The following FER variants were observed in gnomAD, a reference collection of about 807,000 sequenced individuals.
FER encodes tyrosine-protein kinase Fer.
FER carries 63 observed loss-of-function variants against 111.0 expected under a neutral mutation model. The ratio of observed to expected loss-of-function variants is 0.57; its 90% CI spans 0.46 to 0.70. The LOEUF (loss-of-function observed/expected upper bound fraction) is 0.70, where lower values mean the gene tolerates loss of function less well. FER is among the 30% of genes least tolerant of loss of function. FER has a pLI of 0.00. For missense variants in FER, 914 were observed against 954.0 expected, an observed-to-expected ratio of 0.96 and a Z score of 0.55; for synonymous variants, 327 against 313.9, an observed-to-expected ratio of 1.04 and a Z score of -0.44.
At chr5:109,070,232 G>C (rs1775614514) in intron 16 of FER, among the ~76,000 whole-genome samples, 1 of 151,858 alleles carries the variant, frequency 6.6e-6, no homozygotes, top group South Asian at 2.1e-4. Context: ...GAGAGAAAAG[G>C]AGATAAAAAC....
chr5:109,110,802 A>T (rs1749519505), intron 17 of FER, among the ~76,000 whole-genome samples: 1 of 152,094 alleles, frequency 6.6e-6, no homozygotes, highest in Non-Finnish European at 1.5e-5. Context: ...TGTAATTCTA[A>T]CAATTTTAAC....
intron 17 of FER, among the ~76,000 whole-genome samples, chr5:109,132,296 G>A (rs1172358897): frequency 3.9e-5 from 6 of 152,144 alleles, no homozygotes; most frequent in African/African-American, 1.4e-4. Flanking sequence ...GGAAATTCCT[G>A]AAAAGGGGCA....
chr5:108,869,281 A>C (rs566071733), intron 6 of FER, among the ~76,000 whole-genome samples: 1 of 152,126 alleles, frequency 6.6e-6, no homozygotes, highest in Non-Finnish European at 1.5e-5. Context: ...ATGACAGACA[A>C]GTGAGAATGG....
At position 109,172,298 on chromosome 5, in the gene FER, G is replaced by A. The variant is rs187682371; in HGVS notation, c.2049-8449G>A. ...GCACATATACACCATGGAATACTAT[G>A]CAGCCATAAAAATCGATGAGTTCAT... On this transcript the variant is annotated intron_variant, in intron 17 of 19. Coordinates refer to ENST00000281092, the MANE Select transcript of FER (RefSeq NM_005246.4). Among the ~76,000 whole-genome samples, 1,149 of 151,942 alleles carry A rather than the reference G, an allele frequency of 7.6e-3. 9 individuals carry two copies. The highest frequency in any genetic ancestry group is 0.027 in the African/African-American group (1,115 of 41,408).
chr5:108,968,133 A>G (rs968712251), intron 13 of FER, among the ~76,000 whole-genome samples: 1 of 152,256 alleles, frequency 6.6e-6, no homozygotes, highest in Non-Finnish European at 1.5e-5. Flanking sequence ...TCAGGCCTGT[A>G]ATCCCAGCAC....
intron 16 of FER, among the ~76,000 whole-genome samples, chr5:109,073,934 G>T (rs1776041235): frequency 6.6e-6 from 1 of 152,028 alleles, no homozygotes; most frequent in South Asian, 2.1e-4. Context: ...CTTGGATAAA[G>T]CTTTAAATAT....
At position 109,076,792 on chromosome 5, in the gene FER, C is replaced by T. The variant is rs915415096; in HGVS notation, c.1925-23604C>T. ...GTTAGGTTCCCTGTAATAGCAATAA[C>T]AACATATAGTAACAACAGCAACAGT... On this transcript the variant is annotated intron_variant, in intron 16 of 19. Coordinates refer to ENST00000281092, the MANE Select transcript of FER (RefSeq NM_005246.4). 2.0e-5 allele frequency among the ~76,000 whole-genome samples: 3 copies of T among 152,144 alleles called. No individual in the cohort carries two copies. In the East Asian group the frequency reaches 5.8e-4, roughly 29 times the overall value.
At chr5:109,181,886 CA>C (rs1448297888) in intron 18 of FER, among the ~76,000 whole-genome samples, 3 of 152,158 alleles carry the variant, frequency 2.0e-5, no homozygotes, top group African/African-American at 7.2e-5. Flanking sequence ...ACCCTGTCAC[CA>C]ATAAGCATCC....
At chr5:108,864,337 G>A (rs1022327148) in intron 5 of FER, among the ~76,000 whole-genome samples, 14 of 152,160 alleles carry the variant, frequency 9.2e-5, no homozygotes, top group African/African-American at 3.1e-4. Flanking sequence ...GGGATGATGA[G>A]AAAGCAAGGG....
intron 10 of FER, among the ~76,000 whole-genome samples, chr5:108,938,179 G>C (rs1755781697): frequency 6.6e-6 from 1 of 151,712 alleles, no homozygotes; most frequent in Non-Finnish European, 1.5e-5. Context: ...AGGAGGTCAG[G>C]AAGCAATGAG....
chr5:108,839,545 C>T (rs1365017375), intron 5 of FER, among the ~76,000 whole-genome samples: 1 of 145,062 alleles, frequency 6.9e-6, no homozygotes, highest in African/African-American at 2.6e-5. Context: ...CAGAGAAATT[C>T]TTCCTACCCC....
chr5:108,798,052 C>A, intron 2 of FER, 72 bp from the exon 3 acceptor site: 1 of 557,132 alleles, frequency 1.8e-6, no homozygotes, highest in South Asian at 2.9e-5. Context: ...AAGAATCTAT[C>A]ATAACTTTTT....
chr5:108,793,521 G>GT (rs1554065864), intron 2 of FER, among the ~76,000 whole-genome samples: 1 of 135,504 alleles, frequency 7.4e-6, no homozygotes, highest in Non-Finnish European at 1.6e-5. Context: ...TGGCGGGGCG[G>GT]GGGGGGTGGT....
chr5:108,872,761 A>C (rs969901991), intron 8 of FER, among the ~76,000 whole-genome samples: 12 of 152,212 alleles, frequency 7.9e-5, no homozygotes, highest in Non-Finnish European at 5.9e-5. Flanking sequence ...TCAAACATTA[A>C]AAGCAATTAG....
chr5:108,799,030 T>A (rs1000833426), intron 3 of FER, among the ~76,000 whole-genome samples: 1 of 152,182 alleles, frequency 6.6e-6, no homozygotes, highest in African/African-American at 2.4e-5. Context: ...TATAAACCAC[T>A]CCCTGAATTC....
In FER at chr5:109,188,227, TCACGCCTGTAATCC is replaced by T. The variant is rs1759090413; in HGVS notation, c.*655_*668del. 3 of 145,246 alleles carry T rather than the reference TCACGCCTGTAATCC, an allele frequency of 2.1e-5. No homozygotes were observed. In the South Asian group the frequency reaches 6.7e-4, roughly 32 times the overall value. The allele number at this position is 145,246 out of a possible 1,614,324, so 9.0% of individuals were successfully genotyped here. On this transcript the variant is annotated 3_prime_UTR_variant, in exon 20 of 20. Transcript: ENST00000281092. Reference sequence around the variant, plus strand: ...ATGCACGTAGGTCGGGCACGGTGGCTCACGCCTGTAATCCCAGGCATGTAATCTCATGCCTGGGA... The same window carrying T: ...ATGCACGTAGGTCGGGCACGGTGGCTCAGGCATGTAATCTCATGCCTGGGA...
chr5:109,013,133 G>A (rs1374010452), intron 13 of FER, among the ~76,000 whole-genome samples: 1 of 150,506 alleles, frequency 6.6e-6, no homozygotes. Flanking sequence ...CAATGTACAG[G>A]TTAGTTACAT....
At chr5:108,784,748 G>C (rs193020019) in intron 2 of FER, among the ~76,000 whole-genome samples, 1 of 152,216 alleles carries the variant, frequency 6.6e-6, no homozygotes, top group Non-Finnish European at 1.5e-5. Flanking sequence ...GAAACAAAGG[G>C]ATGGGCTCTG....
chr5:108,969,854 A>C lies in FER; in HGVS notation c.1656+10507A>C, dbSNP rs182912864. Reference sequence around the variant, plus strand: ...GTATAGATATCCAAATACATGGAAAAAGTTGGAAGGCTATATTCCAGGATA... The same window carrying C: ...GTATAGATATCCAAATACATGGAAACAGTTGGAAGGCTATATTCCAGGATA... On this transcript the variant is annotated intron_variant, in intron 13 of 19. Coordinates refer to ENST00000281092, the MANE Select transcript of FER (RefSeq NM_005246.4). 2.0e-5 allele frequency among the ~76,000 whole-genome samples: 3 copies of C among 148,204 alleles called. No homozygotes were observed. In the East Asian group the frequency reaches 5.8e-4, roughly 29 times the overall value.
Sources: gnomAD v4.1 joint callset for allele counts (sites outside exome capture counted in the v4.1 genomes callset) on GRCh38, gnomAD v4.1.1 for gene constraint, MANE v1.5 for transcripts, NCBI Gene and HGNC (gene_info 2026-07-23, HGNC 2026-07-21) for gene names.